Variants in HIPK3 observed in about 807,000 individuals in gnomAD.
HIPK3 encodes the protein homeodomain-interacting protein kinase 3.
Under a neutral mutation model 124.2 loss-of-function variants are expected in HIPK3, and 47 were observed. The ratio of observed to expected loss-of-function variants is 0.38; its 90% CI spans 0.30 to 0.48. The LOEUF is 0.48. Ranked by LOEUF, HIPK3 falls within the 20% of genes least tolerant of loss-of-function variation. The pLI is 0.98. For missense variants in HIPK3, 1,286 were observed against 1,454.3 expected, an observed-to-expected ratio of 0.88 and a Z score of 1.88; for synonymous variants, 482 against 515.2, an observed-to-expected ratio of 0.94 and a Z score of 0.87.
chr11:33,278,545 G>A (rs1446169233), intron 1 of HIPK3, among the ~76,000 whole-genome samples: 2 of 152,194 alleles, frequency 1.3e-5, no homozygotes, highest in Non-Finnish European at 2.9e-5. Flanking sequence ...GTTTCTTGGT[G>A]TTGCTGGTTT....
At chr11:33,329,912 C>T (rs1212151288) in intron 3 of HIPK3, among the ~76,000 whole-genome samples, 4 of 152,116 alleles carry the variant, frequency 2.6e-5, no homozygotes, top group Admixed American at 2.0e-4. Context: ...TGCATACCGC[C>T]CTGGAGCAGG....
Position 33,356,155 on chromosome 11 carries a change from T to C in HIPK3, c.*2587T>C, listed in dbSNP as rs1853811725. 1 of 152,068 alleles carries C rather than the reference T, an allele frequency of 6.6e-6. No individual in the cohort carries two copies. The highest frequency in any genetic ancestry group is 1.5e-5 in the Non-Finnish European group (1 of 67,908). The allele number at this position is 152,068 out of a possible 1,614,324, so 9.4% of individuals were successfully genotyped here. Reference sequence around the variant, plus strand: ...GAAATGTTGTATTTTTTGTCTTTAATTTCCAAGACTTAAAGCAGTCTTGTT... The same window carrying C: ...GAAATGTTGTATTTTTTGTCTTTAACTTCCAAGACTTAAAGCAGTCTTGTT... On this transcript the variant is annotated 3_prime_UTR_variant, in exon 17 of 17. Transcript: ENST00000303296.
chr11:33,308,267 T>C (rs1852222821), intron 2 of HIPK3, among the ~76,000 whole-genome samples: 1 of 152,222 alleles, frequency 6.6e-6, no homozygotes. Flanking sequence ...TCATTTTGAC[T>C]GTTCTTCTGC....
intron 5 of HIPK3, 90 bp downstream of exon 5, chr11:33,338,933 AATGGCTACAG>A: frequency 1.2e-6 from 1 of 828,934 alleles, no homozygotes; most frequent in Non-Finnish European, 2.0e-6. Context: ...TCAGTTTTTA[AATGGCTACAG>A]AGTCCATGCT....
At chr11:33,332,014 C>T (rs1350372081) in intron 3 of HIPK3, among the ~76,000 whole-genome samples, 3 of 152,124 alleles carry the variant, frequency 2.0e-5, no homozygotes. Context: ...CTGCCTAGGC[C>T]TCCCAAAGTG....
At chr11:33,279,427 ATAAAT>A (rs1851356820) in intron 1 of HIPK3, among the ~76,000 whole-genome samples, 2 of 151,940 alleles carry the variant, frequency 1.3e-5, no homozygotes, top group African/African-American at 4.8e-5. Flanking sequence ...ATATTGGCAA[ATAAAT>A]TGAATATAAC....
At chr11:33,292,051 T>A (rs1851712750) in intron 2 of HIPK3, among the ~76,000 whole-genome samples, 1 of 152,210 alleles carries the variant, frequency 6.6e-6, no homozygotes, top group African/African-American at 2.4e-5. Context: ...GGAAGACCCG[T>A]AAAATAACGG....
At chr11:33,314,514 G>A in intron 2 of HIPK3, among the ~76,000 whole-genome samples, 1 of 152,092 alleles carries the variant, frequency 6.6e-6, no homozygotes, top group South Asian at 2.1e-4. Flanking sequence ...AATTTAGCCA[G>A]CCATGGTGGC....
chr11:33,293,933 G>A (rs1413377320), intron 2 of HIPK3, among the ~76,000 whole-genome samples: 2 of 152,058 alleles, frequency 1.3e-5, no homozygotes, highest in Admixed American at 6.6e-5. Flanking sequence ...TTGGGAGGCC[G>A]AGGCAGGTGG....
At position 33,287,197 on chromosome 11, in the gene HIPK3, T is replaced by C; in HGVS notation, c.783T>C (p.Ala261=). 1 of 1,614,200 alleles carries C rather than the reference T, an allele frequency of 6.2e-7. No individual in the cohort carries two copies. Among genetic ancestry groups the C allele is most frequent in the Non-Finnish European group, 8.5e-7 (1 of 1,180,028 alleles). Residue 261 remains alanine (A), a synonymous_variant, in exon 2 of 17, where the codon GCT becomes GCC. Transcript: ENST00000303296. ...ENADEYNFVR[A]YECFQHRNHT... Reference sequence around the variant, plus strand: ...CTGATGAATATAACTTTGTACGAGCTTATGAATGCTTTCAGCACCGTAACC... The same window carrying C: ...CTGATGAATATAACTTTGTACGAGCCTATGAATGCTTTCAGCACCGTAACC...
At chr11:33,304,326 G>A (rs1343590006) in intron 2 of HIPK3, among the ~76,000 whole-genome samples, 1 of 152,222 alleles carries the variant, frequency 6.6e-6, no homozygotes, top group African/African-American at 2.4e-5. Context: ...GGGAAGCCGA[G>A]GCGGGTGAAT....
At chr11:33,306,307 A>T (rs1002392881) in intron 2 of HIPK3, among the ~76,000 whole-genome samples, 1 of 152,192 alleles carries the variant, frequency 6.6e-6, no homozygotes, top group African/African-American at 2.4e-5. Context: ...AGAAATTGTC[A>T]ATTTGTGATT....
At chr11:33,290,680 T>C (rs979285271) in intron 2 of HIPK3, among the ~76,000 whole-genome samples, 11 of 151,512 alleles carry the variant, frequency 7.3e-5, no homozygotes, top group Non-Finnish European at 1.2e-4. Flanking sequence ...GTCGGTTTAC[T>C]AAATCTTTCA....
At chr11:33,258,771 A>G in intron 1 of HIPK3, 1 of 970,164 alleles carries the variant, frequency 1.0e-6, no homozygotes, top group Non-Finnish European at 1.2e-6. Context: ...TGCGTAAATT[A>G]CCTTGGACTT....
intron 2 of HIPK3, among the ~76,000 whole-genome samples, chr11:33,311,922 CACACACACACACACT>C (rs1198034393): frequency 6.8e-6 from 1 of 146,636 alleles, no homozygotes; most frequent in Admixed American, 6.8e-5. Context: ...CACACACACA[CACACACACACACACT>C]ACACACACAC....
chr11:33,257,349 G>A (rs565908998), upstream of HIPK3: 12 of 984,634 alleles, frequency 1.2e-5, no homozygotes, highest in East Asian at 9.1e-4. Flanking sequence ...AGGCCGACGA[G>A]CGCGGAGGAG....
intron 2 of HIPK3, among the ~76,000 whole-genome samples, chr11:33,327,243 A>C (rs553856336): frequency 6.6e-6 from 1 of 152,218 alleles, no homozygotes; most frequent in Non-Finnish European, 1.5e-5. Flanking sequence ...GGAACATATC[A>C]GAATTGCATG....
chr11:33,300,456 A>G (rs1851967850), intron 2 of HIPK3, among the ~76,000 whole-genome samples: 1 of 152,192 alleles, frequency 6.6e-6, no homozygotes. Context: ...CAACCAGCCA[A>G]AGTATTACAA....
chr11:33,344,628 A>C (rs145897508), intron 8 of HIPK3, among the ~76,000 whole-genome samples: 67 of 152,334 alleles, frequency 4.4e-4, no homozygotes, highest in African/African-American at 1.3e-3. Flanking sequence ...GAAGGAAAAG[A>C]ATTACTGTCA....
Sources: allele counts gnomAD v4.1 joint callset (sites outside exome capture counted in the v4.1 genomes callset), GRCh38; gene constraint gnomAD v4.1.1; transcripts MANE v1.5; gene names NCBI Gene and HGNC (gene_info 2026-07-23, HGNC 2026-07-21).